Variants in RFX2 observed in about 807,000 individuals in gnomAD.
RFX2 encodes the protein DNA-binding protein RFX2.
A neutral mutation model predicts 87.8 loss-of-function variants in RFX2; 20 were observed. That is an observed-to-expected ratio of 0.23 (90% confidence interval 0.16 to 0.33). The LOEUF is 0.33. Ranked by LOEUF, RFX2 falls within the 10% of genes least tolerant of loss-of-function variation. The pLI is 1.00. For synonymous variants in RFX2, 397 were observed against 431.3 expected, an observed-to-expected ratio of 0.92 and a Z score of 0.98; for missense variants, 767 against 1,012.3, an observed-to-expected ratio of 0.76 and a Z score of 3.29.
At position 6,083,956 on chromosome 19, in the gene RFX2, G is replaced by T. The variant is rs1599919680; in HGVS notation, c.-9+26437C>A. ...GCTTTACATTCTCTTCCCAGCCCCA[G>T]ATCTCCAAATACAGGAGATGAGCAC... On this transcript the variant is annotated intron_variant, in intron 1 of 17. Transcript: ENST00000303657. The surrounding 1 kb of genome is among the most constrained non-coding windows in gnomAD (Gnocchi z 4.6). Among the ~76,000 whole-genome samples the T allele has an allele frequency of 6.6e-6, 1 of 152,112 alleles. No homozygotes were observed.
chr19:6,061,889 A>G lies in RFX2; in HGVS notation c.-8-14385T>C, dbSNP rs1458632202. 6.6e-6 allele frequency among the ~76,000 whole-genome samples: 1 copy of G among 151,842 alleles called. No homozygotes were observed. The highest frequency in any genetic ancestry group is 1.5e-5 in the Non-Finnish European group (1 of 67,960). Reference sequence around the variant, plus strand: ...GTGGATCCCAGCAGGTGCCTGATCAATGAAATATGTCCTAGGCAGGGGCGG... The same window carrying G: ...GTGGATCCCAGCAGGTGCCTGATCAGTGAAATATGTCCTAGGCAGGGGCGG... On this transcript the variant is annotated intron_variant, in intron 1 of 17. Transcript: ENST00000303657. The surrounding 1 kb of genome is among the most constrained non-coding windows in gnomAD (Gnocchi z 5.2).
chr19:6,048,366 T>C (rs1210608513), intron 1 of RFX2, among the ~76,000 whole-genome samples: 5 of 152,252 alleles, frequency 3.3e-5, no homozygotes, highest in Non-Finnish European at 7.3e-5. Flanking sequence ...TCATTTAATA[T>C]CGTGGCAGAT....
chr19:6,096,389 T>C (rs11670606), intron 1 of RFX2, among the ~76,000 whole-genome samples: 31,976 of 152,138 alleles, frequency 0.21, 3,749 homozygotes, highest in South Asian at 0.3. Context: ...TTTTAAAGAA[T>C]GTATGCTCAT....
chr19:6,094,478 A>C (rs945412664), intron 1 of RFX2, among the ~76,000 whole-genome samples: 1 of 152,294 alleles, frequency 6.6e-6, no homozygotes, highest in East Asian at 1.9e-4. Context: ...CGCTACTCAG[A>C]CTTTGTCAGT....
chr19:6,092,511 G>A (rs2087950745), intron 1 of RFX2, among the ~76,000 whole-genome samples: 3 of 152,212 alleles, frequency 2.0e-5, no homozygotes, highest in African/African-American at 7.2e-5. Flanking sequence ...AGAGGGGCGG[G>A]GCAGGCCGTT....
rs200931158 is a variant in RFX2 at position 6,006,986 on chromosome 19, G to C, written c.1402+26C>G. The C allele has an allele frequency of 1.0e-4, 169 of 1,611,694 alleles. 3 individuals are homozygous for C. In the Middle Eastern group the frequency reaches 1.7e-3, roughly 16 times the overall value. The stretch of plus-strand genomic sequence containing the variant: ...AGGCAGGAAGAGAGGATGGAGCAGC[G>C]CCGGGCGGGGCCGTGGGTCACTTAC... On this transcript the variant is annotated intron_variant, in intron 12 of 17. Transcript: ENST00000303657.
Position 6,101,563 on chromosome 19 carries a change from T to TA in RFX2, c.-9+8829dup, listed in dbSNP as rs2088127673. On this transcript the variant is annotated intron_variant, in intron 1 of 17. Coordinates refer to ENST00000303657, the MANE Select transcript of RFX2 (RefSeq NM_000635.4). This position sits in a 1 kb window ranked among gnomAD's most constrained non-coding sequence, Gnocchi z 4.9. ...CTAAAAGATAAACAGTTTGCATTTTTAAAAAAGTATAATTAAGTGCTGTTG... is the reference window on the plus strand; with the variant it reads ...CTAAAAGATAAACAGTTTGCATTTTTAAAAAAAGTATAATTAAGTGCTGTTG... Among the ~76,000 whole-genome samples, 1 of 152,256 alleles carries TA rather than the reference T, an allele frequency of 6.6e-6. No homozygotes were observed. Among genetic ancestry groups the TA allele is most frequent in the Non-Finnish European group, 1.5e-5 (1 of 68,042 alleles).
rs1052203530 is a variant in RFX2 at position 6,056,896 on chromosome 19, T to C, written c.-8-9392A>G. On this transcript the variant is annotated intron_variant, in intron 1 of 17. Coordinates refer to ENST00000303657, the MANE Select transcript of RFX2 (RefSeq NM_000635.4). This position sits in a 1 kb window ranked among gnomAD's most constrained non-coding sequence, Gnocchi z 4.6. ...AAAGGGGAGGGGCCGCAACACGACCTGTCACCCAGCCTGGCCCTGCCTGGC... is the reference window on the plus strand; with the variant it reads ...AAAGGGGAGGGGCCGCAACACGACCCGTCACCCAGCCTGGCCCTGCCTGGC... 8.5e-5 allele frequency among the ~76,000 whole-genome samples: 13 copies of C among 152,340 alleles called. No individual in the cohort carries two copies. The highest frequency in any genetic ancestry group is 2.0e-4 in the Admixed American group (3 of 15,304).
intron 1 of RFX2, among the ~76,000 whole-genome samples, chr19:6,082,558 G>GT (rs2087800406): frequency 6.6e-6 from 1 of 151,968 alleles, no homozygotes; most frequent in Non-Finnish European, 1.5e-5. Context: ...ACAGCCTCCC[G>GT]TGTAGCTAGG....
intron 6 of RFX2, chr19:6,019,902 A>C (rs947292419): frequency 6.6e-6 from 1 of 152,288 alleles, no homozygotes; most frequent in Admixed American, 6.5e-5. Context: ...AGGATCCTGG[A>C]GATGTCTCAA....
At position 6,056,956 on chromosome 19, in the gene RFX2, G is replaced by A. The variant is rs2144798433; in HGVS notation, c.-8-9452C>T. Among the ~76,000 whole-genome samples the A allele has an allele frequency of 6.6e-6, 1 of 152,240 alleles. No individual in the cohort carries two copies. The highest frequency in any genetic ancestry group is 2.4e-5 in the African/African-American group (1 of 41,550). On this transcript the variant is annotated intron_variant, in intron 1 of 17. Transcript: ENST00000303657. The surrounding 1 kb of genome is among the most constrained non-coding windows in gnomAD (Gnocchi z 4.6). ...TGGCTGGCCCAAAGCTCCCTCCCTC[G>A]TGCCTCAGAAATATGCCCGGAGTGC...
Position 6,007,918 on chromosome 19 carries a change from G to T in RFX2, c.1135-116C>A. On this transcript the variant is annotated intron_variant, in intron 10 of 17. Transcript: ENST00000303657. The surrounding 1 kb of genome is among the most constrained non-coding windows in gnomAD (Gnocchi z 8.2). ...ACAGCGGGGTGCCCTGGAATCCCAA[G>T]GGAGGCCACAGAGAGGAGAGGAGCA... 1.2e-6 allele frequency: 1 copy of T among 840,892 alleles called. No homozygotes were observed. The highest frequency in any genetic ancestry group is 2.0e-6 in the Non-Finnish European group (1 of 508,808). The allele number at this position is 840,892 out of a possible 1,614,324, so 52.1% of individuals were successfully genotyped here.
In RFX2 at chr19:5,997,643, C is replaced by G. The variant is rs550896707; in HGVS notation, c.1860-430G>C. Among the ~76,000 whole-genome samples the G allele has an allele frequency of 3.3e-5, 5 of 152,172 alleles. No homozygotes were observed. Among genetic ancestry groups the G allele is most frequent in the Admixed American group, 2.6e-4 (4 of 15,290 alleles). On this transcript the variant is annotated intron_variant, in intron 15 of 17. Transcript: ENST00000303657. The surrounding 1 kb of genome is among the most constrained non-coding windows in gnomAD (Gnocchi z 4.2). ...AGGAGGCGCCTTTCCCCACCTTCCC[C>G]GTATCCTTGCCACCTCCCGCCATTC...
intron 5 of RFX2, among the ~76,000 whole-genome samples, chr19:6,036,363 G>A (rs868024389): frequency 6.6e-6 from 1 of 152,100 alleles, no homozygotes; most frequent in Non-Finnish European, 1.5e-5. Flanking sequence ...AGAGGGAGGA[G>A]GCATGGGGCA....
intron 1 of RFX2, among the ~76,000 whole-genome samples, chr19:6,055,599 T>C (rs2087325900): frequency 6.6e-6 from 1 of 152,110 alleles, no homozygotes; most frequent in Non-Finnish European, 1.5e-5. Flanking sequence ...AATTTTTGTA[T>C]TTTGGGTAGA....
chr19:6,109,961 T>C (rs868066307), intron 1 of RFX2, among the ~76,000 whole-genome samples: 23 of 148,564 alleles, frequency 1.5e-4, no homozygotes, highest in African/African-American at 5.8e-4. Context: ...AAAAGAGGGG[T>C]CCTTGGGTGC....
intron 1 of RFX2, among the ~76,000 whole-genome samples, chr19:6,068,635 T>C (rs980370107): frequency 6.6e-6 from 1 of 151,384 alleles, no homozygotes; most frequent in Non-Finnish European, 1.5e-5. Context: ...GCGTTCCTAA[T>C]GGAGGGAAAA....
Position 6,047,432 on chromosome 19 carries a change from G to T in RFX2, c.65C>A (p.Ala22Asp). ...ASVALRPSAA[A>D]PPVPASPQRV... ...CTGCGGGGAGGCTGGCACAGGCGGG[G>T]CTGCCGCCGAGGGACGCAGAGCCAC... The change falls in exon 2 of 18, where the codon GCC becomes GAC. Residue 22 changes from alanine to aspartate, a missense_variant. This residue lies in a region of RFX2 where 146 missense variants were observed against 139.2 expected (regional missense o/e 1.05). Coordinates refer to ENST00000303657, the MANE Select transcript of RFX2 (RefSeq NM_000635.4). This position sits in a 1 kb window ranked among gnomAD's most constrained non-coding sequence, Gnocchi z 4.2. 1 of 1,601,628 alleles carries T rather than the reference G, an allele frequency of 6.2e-7. No individual in the cohort carries two copies. Among genetic ancestry groups the T allele is most frequent in the Non-Finnish European group, 8.5e-7 (1 of 1,174,424 alleles).
rs1315920773 is a variant in RFX2 at position 6,040,192 on chromosome 19, T to G, written c.310A>C (p.Ser104Arg). The change falls in exon 5 of 18, where the codon AGC becomes CGC. Residue 104 changes from serine (S) to arginine (R), a missense_variant. By Grantham distance (110) the Ser-to-Arg change is moderately radical. Transcript: ENST00000303657. This position sits in a 1 kb window ranked among gnomAD's most constrained non-coding sequence, Gnocchi z 6.1. ...NPEPQMYAPSSTASYFEAPGG... is the reference protein window; with the variant it reads ...NPEPQMYAPSRTASYFEAPGG... ...GGGGCCTCGAAGTAAGAAGCCGTGC[T>G]GCTGGGGGCGTACATCTGAGGCTCG... 3 of 1,593,836 alleles carry G rather than the reference T, an allele frequency of 1.9e-6. No homozygotes were observed. The Admixed American group carries it at 5.0e-5, about 27-fold the overall frequency.
Sources: gnomAD v4.1 joint callset for allele counts (sites outside exome capture counted in the v4.1 genomes callset) on GRCh38, gnomAD v4.1.1 for gene constraint, gnomAD v4.1.1 regional missense constraint, Gnocchi (gnomAD v3.1) non-coding constraint, MANE v1.5 for transcripts, NCBI Gene and HGNC (gene_info 2026-07-23, HGNC 2026-07-21) for gene names.